The following PBX1 variants were observed in gnomAD, a reference collection of about 807,000 sequenced individuals.
The protein encoded by PBX1 is pre-B-cell leukemia transcription factor 1.
Under a neutral mutation model 53.4 loss-of-function variants are expected in PBX1, and 6 were observed. That is an observed-to-expected ratio of 0.11 (90% CI 0.06 to 0.22). The LOEUF (loss-of-function observed/expected upper bound fraction) is 0.22, where lower values mean the gene tolerates loss of function less well. PBX1 is among the 10% of genes least tolerant of loss of function. PBX1 has a pLI of 1.00. For synonymous variants in PBX1, 204 were observed against 212.3 expected (o/e 0.96, Z 0.34); for missense variants, 251 against 551.4 (o/e 0.46, Z 5.46).
chr1:164,720,821 T>C (rs545938226), intron 2 of PBX1, among the ~76,000 whole-genome samples: 9 of 152,298 alleles, frequency 5.9e-5, no homozygotes, highest in African/African-American at 2.2e-4. Context: ...CAATGGAACA[T>C]TGCTTGTTTA....
At chr1:164,602,823 A>G (rs1475618738) in intron 2 of PBX1, among the ~76,000 whole-genome samples, 1 of 152,118 alleles carries the variant, frequency 6.6e-6, no homozygotes. Context: ...TTCTGCCCTC[A>G]AAGGTACTTG....
chr1:164,784,598 A>G lies in PBX1; in HGVS notation c.266-7896A>G, dbSNP rs139985049. 2.6e-3 allele frequency among the ~76,000 whole-genome samples: 393 copies of G among 152,372 alleles called. 2 individuals carry two copies. The highest frequency in any genetic ancestry group is 8.8e-3 in the African/African-American group (364 of 41,586). ...CCTAAAACTGTCTCAAGAGTGTCAT[A>G]TAATTTTGTTTTCATCTCTTGCCCT... is the stretch of plus-strand genomic sequence containing the variant. On this transcript the variant is annotated intron_variant, in intron 2 of 8. Coordinates refer to ENST00000420696, the MANE Select transcript of PBX1 (RefSeq NM_002585.4).
At chr1:164,870,210 T>TTCTTTCCTTCC (rs1180229062) in intron 2 of PBX1, among the ~76,000 whole-genome samples, 2 of 64,466 alleles carry the variant, frequency 3.1e-5, no homozygotes, top group Admixed American at 2.2e-4. Context: ...CTTTCTTTCT[T>TTCTTTCCTTCC]TTCTTTCTTT....
At chr1:164,577,149 T>C (rs1201665317) in intron 2 of PBX1, 1 of 152,234 alleles carries the variant, frequency 6.6e-6, no homozygotes, top group African/African-American at 2.4e-5. Flanking sequence ...CTGGAGTTAC[T>C]GCAGAAACCC....
chr1:164,819,858 A>G, intron 6 of PBX1: 1 of 449,164 alleles, frequency 2.2e-6, no homozygotes, highest in East Asian at 3.5e-5. Context: ...GACAACTTGC[A>G]GTAAGGTATG....
intron 2 of PBX1, among the ~76,000 whole-genome samples, chr1:164,563,672 C>G (rs2101689340): frequency 6.6e-6 from 1 of 152,112 alleles, no homozygotes; most frequent in Middle Eastern, 3.4e-3. Flanking sequence ...TTTTTAAAAC[C>G]CTAATTTTTT....
rs572204231 is a variant in PBX1 at position 164,580,403 on chromosome 1, C to G, written c.265+17092C>G. On this transcript the variant is annotated intron_variant, in intron 2 of 8. Transcript: ENST00000420696. ...AAGCAATTCTTGTGCCTTAGCCTCC[C>G]GAGTAGCTGGGATTACAGGCGTGCG... Among the ~76,000 whole-genome samples, 24 of 152,280 alleles carry G rather than the reference C, an allele frequency of 1.6e-4. No homozygotes were observed. The East Asian group carries it at 3.3e-3, about 21-fold the overall frequency.
intron 2 of PBX1, among the ~76,000 whole-genome samples, chr1:164,686,575 T>G (rs977956597): frequency 1.3e-5 from 2 of 152,152 alleles, no homozygotes; most frequent in Admixed American, 1.3e-4. Flanking sequence ...GATGATAGAA[T>G]GGGGAAGGGA....
At chr1:164,770,178 TCTGA>T (rs1251339131) in intron 2 of PBX1, 2 of 152,240 alleles carry the variant, frequency 1.3e-5, no homozygotes, top group African/African-American at 2.4e-5. Context: ...TCAAAGGCTA[TCTGA>T]CTATCTCTGC....
At chr1:164,600,641 C>G (rs1025191051) in intron 2 of PBX1, among the ~76,000 whole-genome samples, 21 of 152,184 alleles carry the variant, frequency 1.4e-4, no homozygotes, top group Non-Finnish European at 5.9e-5. Context: ...CTGAGGCAGC[C>G]CCATGCCTGT....
At chr1:164,825,996 G>A (rs1670440488) in intron 8 of PBX1, among the ~76,000 whole-genome samples, 1 of 152,100 alleles carries the variant, frequency 6.6e-6, no homozygotes, top group South Asian at 2.1e-4. Flanking sequence ...CAACCTGGAG[G>A]AAGGTGGAAG....
intron 3 of PBX1, among the ~76,000 whole-genome samples, chr1:164,798,464 G>A (rs1044068110): frequency 6.6e-6 from 1 of 152,200 alleles, no homozygotes; most frequent in African/African-American, 2.4e-5. Context: ...ACCAGATTAT[G>A]GATGCTAAGT....
intron 2 of PBX1, among the ~76,000 whole-genome samples, chr1:164,661,855 A>G (rs1354694062): frequency 2.6e-5 from 4 of 152,178 alleles, no homozygotes; most frequent in Non-Finnish European, 5.9e-5. Context: ...TTAAAAATTT[A>G]TTTCATGTTT....
Position 164,724,544 on chromosome 1 carries a change from G to A in PBX1, c.266-67950G>A, listed in dbSNP as rs1027212843. Among the ~76,000 whole-genome samples, 8 of 152,298 alleles carry A rather than the reference G, an allele frequency of 5.3e-5. No homozygotes were observed. The East Asian group carries it at 7.7e-4, about 15-fold the overall frequency. ...AAGTTTGTGTTGGGCCACATTCAAA[G>A]CTGGTCTGGGCCGCATGTGGCTCAT... On this transcript the variant is annotated intron_variant, in intron 2 of 8. Transcript: ENST00000420696.
chr1:164,837,873 A>G (rs1230119724), intron 8 of PBX1, among the ~76,000 whole-genome samples: 2 of 152,216 alleles, frequency 1.3e-5, no homozygotes, highest in African/African-American at 4.8e-5. Context: ...GGAAATGCAC[A>G]CCATCTCCTA....
At chr1:164,672,415 G>A (rs1402953243) in intron 2 of PBX1, among the ~76,000 whole-genome samples, 2 of 152,164 alleles carry the variant, frequency 1.3e-5, no homozygotes, top group Non-Finnish European at 2.9e-5. Flanking sequence ...CTGCAGCAGA[G>A]GGACCGCAGT....
intron 2 of PBX1, among the ~76,000 whole-genome samples, chr1:164,661,846 T>A (rs4657368): frequency 0.17 from 25,676 of 152,106 alleles, 2,278 homozygotes; most frequent in South Asian, 0.21. Context: ...TTTAATTTTT[T>A]AAAAATTTAT....
chr1:164,832,609 A>C (rs970467248), intron 8 of PBX1, among the ~76,000 whole-genome samples: 4 of 152,200 alleles, frequency 2.6e-5, no homozygotes, highest in African/African-American at 9.6e-5. Flanking sequence ...TAAATATGAT[A>C]GCCTGCAAGG....
At chr1:164,735,438 A>G (rs1665214845) in intron 2 of PBX1, among the ~76,000 whole-genome samples, 1 of 152,196 alleles carries the variant, frequency 6.6e-6, no homozygotes, top group Non-Finnish European at 1.5e-5. Flanking sequence ...CTCATTGATG[A>G]TAGTGGGAAC....
Sources: allele counts gnomAD v4.1 joint callset (sites outside exome capture counted in the v4.1 genomes callset), GRCh38; gene constraint gnomAD v4.1.1; transcripts MANE v1.5; gene names NCBI Gene and HGNC (gene_info 2026-07-23, HGNC 2026-07-21).